OR51B5: variants seen among roughly 807,000 people sequenced by gnomAD.
The protein encoded by OR51B5 is olfactory receptor 51B5.
For synonymous variants in OR51B5, 186 were observed against 144.8 expected, an observed-to-expected ratio of 1.28 and a Z score of -2.04; for missense variants, 456 against 374.6, an observed-to-expected ratio of 1.22 and a Z score of -1.79.
chr11:5,421,687 G>A (rs1364031306), intron 1 of OR51B5, among the ~76,000 whole-genome samples: 2 of 152,146 alleles, frequency 1.3e-5, no homozygotes, highest in African/African-American at 4.8e-5. Context: ...AAAAAATTAG[G>A]AGATGAAGAA....
intron 1 of OR51B5, among the ~76,000 whole-genome samples, chr11:5,467,132 G>C (rs556156466): frequency 6.6e-6 from 1 of 152,176 alleles, no homozygotes; most frequent in Non-Finnish European, 1.5e-5. Context: ...GAGCCTGCAA[G>C]TATTGTTCCC....
chr11:5,485,593 T>C (rs967522021), intron 1 of OR51B5, among the ~76,000 whole-genome samples: 4 of 152,180 alleles, frequency 2.6e-5, no homozygotes, highest in African/African-American at 9.7e-5. Context: ...ATCTTGCCTA[T>C]GCTCCTTGCA....
At chr11:5,501,558 A>G (rs1042445585) in intron 1 of OR51B5, among the ~76,000 whole-genome samples, 4 of 147,394 alleles carry the variant, frequency 2.7e-5, no homozygotes, top group African/African-American at 9.7e-5. Context: ...GCTTGACCAC[A>G]CTGGCTTCTC....
intron 1 of OR51B5, among the ~76,000 whole-genome samples, chr11:5,424,158 G>A (rs528970094): frequency 1.3e-5 from 2 of 152,234 alleles, no homozygotes; most frequent in Admixed American, 1.3e-4. Context: ...TCAATATTGG[G>A]ATCCACTTAG....
At chr11:5,498,432 A>T (rs960978851) in intron 1 of OR51B5, among the ~76,000 whole-genome samples, 3 of 152,214 alleles carry the variant, frequency 2.0e-5, no homozygotes, top group Non-Finnish European at 4.4e-5. Context: ...TCACCTTAAC[A>T]CTGGATGCCC....
At chr11:5,419,302 G>C (rs764271557) in intron 1 of OR51B5, among the ~76,000 whole-genome samples, 1 of 152,106 alleles carries the variant, frequency 6.6e-6, no homozygotes, top group East Asian at 1.9e-4. Flanking sequence ...GGAGTTATCA[G>C]GCACACCTAG....
chr11:5,478,483 C>T (rs1335057164), intron 1 of OR51B5, among the ~76,000 whole-genome samples: 2 of 152,060 alleles, frequency 1.3e-5, no homozygotes, highest in African/African-American at 2.4e-5. Flanking sequence ...TGCAGTTCCT[C>T]ACCAGCAACG....
At chr11:5,352,344 C>G (rs748891778) in intron 1 of OR51B5, 2 of 1,613,818 alleles carry the variant, frequency 1.2e-6, no homozygotes, top group South Asian at 2.2e-5. Flanking sequence ...ACATCCACTT[C>G]CTTTTCCCAC....
intron 1 of OR51B5, among the ~76,000 whole-genome samples, chr11:5,435,119 A>G (rs1850575252): frequency 6.6e-6 from 1 of 152,216 alleles, no homozygotes; most frequent in Non-Finnish European, 1.5e-5. Flanking sequence ...TAGGCTCTCT[A>G]GAATCTGAAT....
At chr11:5,455,734 T>C (rs926624939) in intron 1 of OR51B5, 1 of 152,058 alleles carries the variant, frequency 6.6e-6, no homozygotes, top group South Asian at 2.1e-4. Context: ...CTCTTTGTAT[T>C]GAGGAAATAC....
chr11:5,491,442 G>A (rs529885595), intron 1 of OR51B5, among the ~76,000 whole-genome samples: 64 of 152,278 alleles, frequency 4.2e-4, no homozygotes, highest in Admixed American at 9.8e-4. Context: ...GTCATGTCTT[G>A]GCCCAGAGAA....
intron 1 of OR51B5, among the ~76,000 whole-genome samples, chr11:5,361,893 T>C (rs1849291411): frequency 6.6e-6 from 1 of 152,148 alleles, no homozygotes; most frequent in African/African-American, 2.4e-5. Flanking sequence ...TTTGCCTCTA[T>C]GTGTTCTACC....
intron 1 of OR51B5, among the ~76,000 whole-genome samples, chr11:5,373,461 G>T (rs1849473959): frequency 6.6e-6 from 1 of 152,124 alleles, no homozygotes; most frequent in African/African-American, 2.4e-5. Context: ...TCGCTAGGGA[G>T]TGCCAGACAG....
chr11:5,405,268 T>A (rs1850042098), intron 1 of OR51B5, among the ~76,000 whole-genome samples: 1 of 152,170 alleles, frequency 6.6e-6, no homozygotes, highest in South Asian at 2.1e-4. Flanking sequence ...AAAACTGATG[T>A]TTACATACAG....
At chr11:5,454,306 A>G (rs1320204634) in intron 1 of OR51B5, 1 of 1,614,130 alleles carries the variant, frequency 6.2e-7, no homozygotes, top group South Asian at 1.1e-5. Flanking sequence ...TGCTACATAC[A>G]TGTCCTCATG....
intron 1 of OR51B5, among the ~76,000 whole-genome samples, chr11:5,436,242 A>C (rs1029524427): frequency 1.3e-5 from 2 of 152,140 alleles, no homozygotes; most frequent in East Asian, 3.9e-4. Context: ...ATAGGTGGAG[A>C]TCACAGGGTG....
At chr11:5,398,642 C>T (rs1173409240) in intron 1 of OR51B5, among the ~76,000 whole-genome samples, 14 of 152,084 alleles carry the variant, frequency 9.2e-5, no homozygotes. Context: ...CCCTATATGT[C>T]GGGGGAGGGA....
At chr11:5,493,614 T>C (rs1443436840) in intron 1 of OR51B5, among the ~76,000 whole-genome samples, 2 of 152,158 alleles carry the variant, frequency 1.3e-5, no homozygotes, top group Non-Finnish European at 2.9e-5. Flanking sequence ...AAAATATATT[T>C]CAACTGTAAA....
At chr11:5,430,585 T>C (rs1248299250) in intron 1 of OR51B5, 1 of 395,274 alleles carries the variant, frequency 2.5e-6, no homozygotes, top group African/African-American at 2.1e-5. Flanking sequence ...AATGTAGAGC[T>C]TTGCCCATAG....
Sources: allele counts gnomAD v4.1 joint callset (sites outside exome capture counted in the v4.1 genomes callset), GRCh38; gene constraint gnomAD v4.1.1; transcripts MANE v1.5; gene names NCBI Gene and HGNC (gene_info 2026-07-23, HGNC 2026-07-21).